ADGRL3: variants seen among roughly 807,000 people sequenced by gnomAD.
ADGRL3 encodes the protein calcium-independent alpha-latrotoxin receptor 3.
ADGRL3 carries 62 observed loss-of-function variants against 153.5 expected under a neutral mutation model. The ratio of observed to expected loss-of-function variants is 0.40; its 90% CI spans 0.33 to 0.50. The LOEUF is 0.50. Among genes scored for constraint, ADGRL3 ranks in the 20% least tolerant of loss-of-function variants. ADGRL3 has a pLI of 0.47. For synonymous variants in ADGRL3, 710 were observed against 672.5 expected (o/e 1.06, Z -0.86); for missense variants, 1,641 against 1,859.4 (o/e 0.88, Z 2.16).
chr4:61,808,428 C>A (rs967716249), intron 8 of ADGRL3, among the ~76,000 whole-genome samples: 3 of 152,100 alleles, frequency 2.0e-5, no homozygotes, highest in Non-Finnish European at 2.9e-5. Flanking sequence ...ATAAGTCAAG[C>A]ATATAGTTGT....
intron 1 of ADGRL3, among the ~76,000 whole-genome samples, chr4:61,287,790 T>A (rs1217232220): frequency 2.0e-5 from 3 of 151,902 alleles, no homozygotes; most frequent in Non-Finnish European, 4.4e-5. Flanking sequence ...CAATCAAGGC[T>A]TATCCCTGGA....
At chr4:61,659,552 A>T (rs2094534281) in intron 5 of ADGRL3, among the ~76,000 whole-genome samples, 1 of 152,184 alleles carries the variant, frequency 6.6e-6, no homozygotes, top group Admixed American at 6.5e-5. Flanking sequence ...AAAAGATTAC[A>T]AAGATTAAAA....
intron 24 of ADGRL3, 65 bp downstream of exon 24, chr4:62,037,921 T>C (rs574699060): frequency 2.5e-6 from 4 of 1,573,810 alleles, no homozygotes; most frequent in South Asian, 2.2e-5. Flanking sequence ...TCCCTTATGA[T>C]TGGAGCTAAT....
chr4:61,351,788 T>C (rs2096057539), intron 1 of ADGRL3, among the ~76,000 whole-genome samples: 1 of 151,512 alleles, frequency 6.6e-6, no homozygotes, highest in South Asian at 2.1e-4. Flanking sequence ...AAAAATCCTT[T>C]TGAAATACTG....
intron 1 of ADGRL3, among the ~76,000 whole-genome samples, chr4:61,290,561 T>A (rs752206448): frequency 2.6e-5 from 4 of 151,812 alleles, no homozygotes; most frequent in Non-Finnish European, 5.9e-5. Context: ...GGAGGAACAA[T>A]TGAGCCCAGG....
At chr4:61,445,621 A>G (rs1048174679) in intron 2 of ADGRL3, among the ~76,000 whole-genome samples, 4 of 152,192 alleles carry the variant, frequency 2.6e-5, no homozygotes, top group African/African-American at 7.2e-5. Flanking sequence ...TGGTTGCTGT[A>G]TTTGTACATA....
At chr4:61,878,782 G>A (rs1221492962) in intron 9 of ADGRL3, among the ~76,000 whole-genome samples, 1 of 152,116 alleles carries the variant, frequency 6.6e-6, no homozygotes, top group Non-Finnish European at 1.5e-5. Flanking sequence ...TGCTTTTGGG[G>A]TAAAATTTGG....
chr4:61,715,051 C>G (rs950011133), intron 6 of ADGRL3, among the ~76,000 whole-genome samples: 30 of 152,150 alleles, frequency 2.0e-4, no homozygotes, highest in African/African-American at 7.0e-4. Flanking sequence ...ATTCAGAGAT[C>G]TGATTTGGTA....
intron 6 of ADGRL3, among the ~76,000 whole-genome samples, chr4:61,688,984 G>A (rs886549551): frequency 1.3e-5 from 2 of 152,046 alleles, no homozygotes; most frequent in Non-Finnish European, 2.9e-5. Flanking sequence ...TTTTGGAGAT[G>A]GGATCTCACT....
chr4:61,723,618 G>A (rs1468283825), intron 6 of ADGRL3, among the ~76,000 whole-genome samples: 1 of 152,064 alleles, frequency 6.6e-6, no homozygotes, highest in Non-Finnish European at 1.5e-5. Flanking sequence ...GCCATTTAAT[G>A]TACAGATGCA....
chr4:61,997,821 T>A (rs868426259), intron 20 of ADGRL3, among the ~76,000 whole-genome samples: 1 of 152,206 alleles, frequency 6.6e-6, no homozygotes, highest in African/African-American at 2.4e-5. Flanking sequence ...TTTAGATAAA[T>A]GTTCAGAGTG....
At chr4:61,414,991 G>T (rs1312475081) in intron 2 of ADGRL3, among the ~76,000 whole-genome samples, 3 of 151,774 alleles carry the variant, frequency 2.0e-5, no homozygotes, top group Non-Finnish European at 4.4e-5. Context: ...GTTGGAAAAT[G>T]TGCAAACTAT....
At chr4:61,913,681 ATTTG>A (rs2149865022) in intron 13 of ADGRL3, among the ~76,000 whole-genome samples, 1 of 152,210 alleles carries the variant, frequency 6.6e-6, no homozygotes, top group South Asian at 2.1e-4. Context: ...GTAAAAATTG[ATTTG>A]TTTGTTTATG....
In ADGRL3 at chr4:61,924,537, A is replaced by T. The variant is rs192235589; in HGVS notation, c.2113-10303A>T. Among the ~76,000 whole-genome samples the T allele has an allele frequency of 9.4e-4, 143 of 152,264 alleles. 2 individuals carry two copies. Among genetic ancestry groups the T allele is most frequent in the African/African-American group, 3.1e-3 (129 of 41,554 alleles). On this transcript the variant is annotated intron_variant, in intron 13 of 26. Coordinates refer to ENST00000683033, the MANE Select transcript of ADGRL3 (RefSeq NM_001387552.1). ...ACACCTCAAACTTTCCATATCTGTA[A>T]CTGAATTCCCAGTCTTCACTTGCAA...
chr4:61,295,989 A>G (rs2094399348), intron 1 of ADGRL3, among the ~76,000 whole-genome samples: 1 of 152,128 alleles, frequency 6.6e-6, no homozygotes, highest in African/African-American at 2.4e-5. Flanking sequence ...AAGCAAGAGC[A>G]CAGTATGACA....
At chr4:61,591,913 CA>C (rs2098971036) in intron 5 of ADGRL3, among the ~76,000 whole-genome samples, 1 of 151,470 alleles carries the variant, frequency 6.6e-6, no homozygotes, top group East Asian at 2.0e-4. Context: ...TCCATCTCTA[CA>C]AAAAATAAAA....
intron 13 of ADGRL3, among the ~76,000 whole-genome samples, chr4:61,928,436 T>G (rs541853360): frequency 6.6e-6 from 1 of 152,270 alleles, no homozygotes; most frequent in African/African-American, 2.4e-5. Flanking sequence ...ACTTTTGTAC[T>G]GTATGCTGTG....
chr4:61,478,083 G>C (rs1345613627), intron 2 of ADGRL3, among the ~76,000 whole-genome samples: 3 of 151,846 alleles, frequency 2.0e-5, no homozygotes. Context: ...GAATTTGCTT[G>C]GAGAATAAAA....
At chr4:61,657,949 A>G (rs919066435) in intron 5 of ADGRL3, among the ~76,000 whole-genome samples, 5 of 152,172 alleles carry the variant, frequency 3.3e-5, no homozygotes, top group African/African-American at 7.2e-5. Context: ...GCAGAGGATC[A>G]AATGCTTGAT....
Sources: gnomAD v4.1 joint callset for allele counts (sites outside exome capture counted in the v4.1 genomes callset) on GRCh38, gnomAD v4.1.1 for gene constraint, MANE v1.5 for transcripts, NCBI Gene and HGNC (gene_info 2026-07-23, HGNC 2026-07-21) for gene names.